The following GTPBP10 variants were observed in gnomAD, a reference collection of about 807,000 sequenced individuals.
The protein encoded by GTPBP10 is GTP-binding protein 10.
A neutral mutation model predicts 44.8 loss-of-function variants in GTPBP10; 38 were observed. The observed-to-expected ratio is 0.85, with a 90% confidence interval of 0.65 to 1.11. The LOEUF is 1.11. GTPBP10 is among the 50% of genes most tolerant of loss of function. The pLI is 0.00. For missense variants in GTPBP10, 462 were observed against 453.7 expected, an observed-to-expected ratio of 1.02 and a Z score of -0.17; for synonymous variants, 152 against 150.6, an observed-to-expected ratio of 1.01 and a Z score of -0.07.
At chr7:90,379,931 A>G (rs1197345404) in intron 8 of GTPBP10, among the ~76,000 whole-genome samples, 1 of 152,208 alleles carries the variant, frequency 6.6e-6, no homozygotes, top group African/African-American at 2.4e-5. Flanking sequence ...TGATGCTAAG[A>G]ATCTTTTTAT....
In GTPBP10 at chr7:90,354,480, A is replaced by G. The variant is rs761040846; in HGVS notation, c.250A>G (p.Lys84Glu). 4.7e-5 allele frequency: 74 copies of G among 1,585,566 alleles called. No individual in the cohort carries two copies. Among genetic ancestry groups the G allele is most frequent in the Non-Finnish European group, 6.3e-5 (73 of 1,165,936 alleles). The change falls in exon 3 of 10, where the codon AAA (lysine) becomes GAA (glutamate). Residue 84 changes from lysine (K) to glutamate (E), a missense_variant. Transcript: ENST00000222511. ...NSKISALKGS[K>E]GKDCEIPVPV... ...TAGAATTAGTGCACTGAAAGGCTCC[A>G]AAGGAAAAGACTGTGAAATCCCTGT...
rs1796563400 is a variant in GTPBP10 at position 90,388,517 on chromosome 7, A to G, written c.*3363A>G. ...ATGAAGTTGGACCTGCACACTGAAA[A>G]ATTCCAAAATACCTATTATGTTGTG... On this transcript the variant is annotated 3_prime_UTR_variant, in exon 10 of 10. Transcript: ENST00000222511. The G allele has an allele frequency of 6.6e-6, 1 of 152,160 alleles. No individual in the cohort carries two copies. The highest frequency in any genetic ancestry group is 1.5e-5 in the Non-Finnish European group (1 of 68,018). 9.4% of individuals were successfully genotyped at this position (152,160 alleles called of 1,614,324 possible).
chr7:90,349,549 G>A (rs1272770781), intron 1 of GTPBP10, among the ~76,000 whole-genome samples: 6 of 152,148 alleles, frequency 3.9e-5, no homozygotes, highest in Non-Finnish European at 7.4e-5. Context: ...TGTTCTCTAG[G>A]CCTTCTTATC....
intron 4 of GTPBP10, among the ~76,000 whole-genome samples, chr7:90,360,353 C>T (rs563142904): frequency 9.3e-4 from 142 of 152,322 alleles, no homozygotes; most frequent in Non-Finnish European, 1.3e-3. Context: ...CAGCTTTCTA[C>T]ATATGGCTAG....
intron 6 of GTPBP10, among the ~76,000 whole-genome samples, chr7:90,375,994 A>G (rs1354479748): frequency 6.6e-6 from 1 of 151,878 alleles, no homozygotes; most frequent in Non-Finnish European, 1.5e-5. Context: ...TGGGAGGCCA[A>G]GGCAGGCAGA....
chr7:90,378,281 C>T (rs1447802578), intron 8 of GTPBP10, 70 bp downstream of exon 8: 2 of 1,502,720 alleles, frequency 1.3e-6, no homozygotes, highest in African/African-American at 1.4e-5. Context: ...TATGAAATAA[C>T]ATAATTACAG....
intron 4 of GTPBP10, among the ~76,000 whole-genome samples, chr7:90,362,763 A>G (rs1315557562): frequency 6.6e-6 from 1 of 152,024 alleles, no homozygotes; most frequent in Non-Finnish European, 1.5e-5. Context: ...ATTGTTTTGG[A>G]GTCTAAGTCT....
intron 4 of GTPBP10, chr7:90,371,292 G>A (rs1796253168): frequency 2.9e-6 from 1 of 345,626 alleles, no homozygotes; most frequent in Non-Finnish European, 4.1e-6. Context: ...CTGTCAATAG[G>A]AAATTAGTTA....
intron 5 of GTPBP10, among the ~76,000 whole-genome samples, chr7:90,372,866 C>A (rs1271050144): frequency 1.3e-5 from 2 of 152,098 alleles, no homozygotes; most frequent in African/African-American, 4.8e-5. Context: ...TAAACAGAAA[C>A]AGCTCCTGTT....
At chr7:90,382,357 A>G (rs1218084002) in intron 8 of GTPBP10, among the ~76,000 whole-genome samples, 3 of 152,140 alleles carry the variant, frequency 2.0e-5, no homozygotes, top group East Asian at 1.9e-4. Context: ...GGCCCAAGCA[A>G]TGCTCCTACC....
chr7:90,360,480 G>A (rs1301903828), intron 4 of GTPBP10, among the ~76,000 whole-genome samples: 2 of 152,010 alleles, frequency 1.3e-5, no homozygotes, highest in Admixed American at 6.6e-5. Context: ...GAGGGCTCTG[G>A]TCTGTCCTAT....
At chr7:90,347,465 C>T (rs570908097) in intron 1 of GTPBP10, 3 of 205,026 alleles carry the variant, frequency 1.5e-5, no homozygotes, top group Admixed American at 1.3e-4. Context: ...AAACTCTCCT[C>T]GAGTATATCA....
At chr7:90,376,088 A>G (rs1198637839) in intron 6 of GTPBP10, among the ~76,000 whole-genome samples, 1 of 147,806 alleles carries the variant, frequency 6.8e-6, no homozygotes, top group Non-Finnish European at 1.5e-5. Flanking sequence ...AAAAAAAATT[A>G]GATGGGTGTG....
rs565553143 is a variant in GTPBP10 at position 90,357,403 on chromosome 7, CAG to C, written c.464+2174_464+2175del. On this transcript the variant is annotated intron_variant, in intron 4 of 9. Transcript: ENST00000222511. The stretch of plus-strand genomic sequence containing the variant: ...AAAAGCTATAAGAACCTGGATGAAA[CAG>C]GGTATGAAAAAACTATATGTTCCAG... Among the ~76,000 whole-genome samples, 81 of 152,162 alleles carry C rather than the reference CAG, an allele frequency of 5.3e-4. No individual in the cohort carries two copies. The South Asian group carries it at 0.015, about 28-fold the overall frequency.
chr7:90,377,572 A>G lies in GTPBP10; in HGVS notation c.657A>G (p.Lys219=), dbSNP rs1429148857. The G allele has an allele frequency of 6.2e-7, 1 of 1,611,714 alleles. No homozygotes were observed. The highest frequency in any genetic ancestry group is 8.5e-7 in the Non-Finnish European group (1 of 1,178,646). ...ATATGAACAAAGGAATGGGCCACAA[A>G]TTCCTCAAGCATATAGAAAGAACTA... The part of the protein sequence containing the change: ...GAHMNKGMGH[K]FLKHIERTRQ... The change falls in exon 7 of 10, where the codon AAA becomes AAG. Residue 219 remains lysine (K), a synonymous_variant. Transcript: ENST00000222511.
chr7:90,362,475 T>A (rs1796043512), intron 4 of GTPBP10, among the ~76,000 whole-genome samples: 1 of 152,248 alleles, frequency 6.6e-6, no homozygotes. Flanking sequence ...AGTTCCAATT[T>A]GATTGCACTG....
rs536904372 is a variant in GTPBP10, at chr7:90,374,212, A to G, written c.539-90A>G. ...AAATTAGAACAAAATCTGAATTGAAATATTGTTTATGCATAATACCAAGAC... is the reference window on the plus strand; with the variant it reads ...AAATTAGAACAAAATCTGAATTGAAGTATTGTTTATGCATAATACCAAGAC... On this transcript the variant is annotated intron_variant, in intron 5 of 9. Transcript: ENST00000222511. 23 of 860,394 alleles carry G rather than the reference A, an allele frequency of 2.7e-5. No homozygotes were observed. In the African/African-American group the frequency reaches 3.4e-4, roughly 13 times the overall value. The allele number at this position is 860,394 out of a possible 1,614,324, so 53.3% of individuals were successfully genotyped here.
At chr7:90,359,519 G>A (rs753149589) in intron 4 of GTPBP10, among the ~76,000 whole-genome samples, 46 of 152,002 alleles carry the variant, frequency 3.0e-4, no homozygotes, top group Non-Finnish European at 4.3e-4. Context: ...TATGTGCCAC[G>A]TTTTCTTAAT....
chr7:90,349,104 C>T (rs117073421), intron 1 of GTPBP10, among the ~76,000 whole-genome samples: 6 of 152,104 alleles, frequency 3.9e-5, no homozygotes, highest in Non-Finnish European at 7.4e-5. Flanking sequence ...TTTTGTAAAT[C>T]CTGTGAAATT....
Sources: allele counts gnomAD v4.1 joint callset (sites outside exome capture counted in the v4.1 genomes callset), GRCh38; gene constraint gnomAD v4.1.1; transcripts MANE v1.5; gene names NCBI Gene and HGNC (gene_info 2026-07-23, HGNC 2026-07-21).